IPCEF1: variants seen among roughly 807,000 people sequenced by gnomAD.
IPCEF1 encodes interactor protein for cytohesin exchange factors 1.
A neutral mutation model predicts 50.9 loss-of-function variants in IPCEF1; 31 were observed. The ratio of observed to expected loss-of-function variants is 0.61; its 90% CI spans 0.46 to 0.82. IPCEF1 has a LOEUF of 0.82. Among genes scored for constraint, IPCEF1 ranks in the 40% least tolerant of loss-of-function variants. The pLI, the probability that IPCEF1 is intolerant of heterozygous loss-of-function variation, is 0.00. For missense variants in IPCEF1, 458 were observed against 514.0 expected, an observed-to-expected ratio of 0.89 and a Z score of 1.05; for synonymous variants, 181 against 192.0, an observed-to-expected ratio of 0.94 and a Z score of 0.47.
chr6:154,190,311 C>G (rs1801756674), intron 10 of IPCEF1, among the ~76,000 whole-genome samples: 1 of 151,862 alleles, frequency 6.6e-6, no homozygotes, highest in South Asian at 2.1e-4. Context: ...CAACAGATAC[C>G]TCACCAAAGA....
intron 5 of IPCEF1, among the ~76,000 whole-genome samples, chr6:154,236,868 T>C (rs1216528046): frequency 1.3e-5 from 2 of 152,208 alleles, no homozygotes; most frequent in African/African-American, 4.8e-5. Context: ...AGATTCTACA[T>C]TGTGAGCCCA....
At chr6:154,325,850 A>C (rs1236374121) in intron 1 of IPCEF1, among the ~76,000 whole-genome samples, 1 of 152,218 alleles carries the variant, frequency 6.6e-6, no homozygotes, top group East Asian at 1.9e-4. Flanking sequence ...TTGCCATCAT[A>C]ATTTGAACAG....
At chr6:154,169,474 A>G (rs1313373057) in intron 10 of IPCEF1, among the ~76,000 whole-genome samples, 1 of 152,230 alleles carries the variant, frequency 6.6e-6, no homozygotes, top group Non-Finnish European at 1.5e-5. Flanking sequence ...GTCGACAAAT[A>G]TCTGCTTCTA....
intron 5 of IPCEF1, among the ~76,000 whole-genome samples, chr6:154,239,139 C>A (rs1245304519): frequency 6.6e-6 from 1 of 152,024 alleles, no homozygotes; most frequent in Non-Finnish European, 1.5e-5. Context: ...ACCAACATTT[C>A]CTGGCTCTCG....
intron 10 of IPCEF1, among the ~76,000 whole-genome samples, chr6:154,171,059 T>C (rs968820244): frequency 2.6e-5 from 4 of 152,092 alleles, no homozygotes; most frequent in African/African-American, 9.7e-5. Context: ...CTTTAGAAAA[T>C]AGTTTGTCCA....
At chr6:154,271,498 C>G (rs1193677979) in intron 2 of IPCEF1, among the ~76,000 whole-genome samples, 1 of 152,132 alleles carries the variant, frequency 6.6e-6, no homozygotes, top group Non-Finnish European at 1.5e-5. Flanking sequence ...CATACCAACT[C>G]TTTATGATAT....
At chr6:154,353,377 T>C (rs1181180700) in intron 1 of IPCEF1, among the ~76,000 whole-genome samples, 1 of 139,286 alleles carries the variant, frequency 7.2e-6, no homozygotes, top group Admixed American at 8.0e-5. Context: ...TCACTGCGCC[T>C]CCCGGATTCA....
At chr6:154,187,334 C>T (rs1201410805) in intron 10 of IPCEF1, among the ~76,000 whole-genome samples, 4 of 152,168 alleles carry the variant, frequency 2.6e-5, no homozygotes, top group Non-Finnish European at 4.4e-5. Context: ...ATCTATCATA[C>T]GTGCTGTTTC....
At chr6:154,346,338 T>TA (rs200393505) in intron 1 of IPCEF1, among the ~76,000 whole-genome samples, 1 of 152,224 alleles carries the variant, frequency 6.6e-6, no homozygotes, top group South Asian at 2.1e-4. Context: ...ATAATTATTT[T>TA]AAAAAATTTA....
At chr6:154,181,522 C>T (rs866600004) in intron 10 of IPCEF1, among the ~76,000 whole-genome samples, 1 of 152,122 alleles carries the variant, frequency 6.6e-6, no homozygotes, top group East Asian at 1.9e-4. Flanking sequence ...ATATTTGATG[C>T]GTTCTTTTGA....
intron 11 of IPCEF1, among the ~76,000 whole-genome samples, chr6:154,160,955 C>T (rs191396325): frequency 6.6e-6 from 1 of 152,258 alleles, no homozygotes; most frequent in Non-Finnish European, 1.5e-5. Context: ...GCCGAGTCCC[C>T]CTCATGGATC....
At position 154,281,105 on chromosome 6, in the gene IPCEF1, C is replaced by T. The variant is rs575593845; in HGVS notation, c.-18+8608G>A. The stretch of plus-strand genomic sequence containing the variant: ...CTGCAATCCCAGCACTTTGGGAGGC[C>T]GAGGTGGGTGGATTACTTGAGGTCA... On this transcript the variant is annotated intron_variant, in intron 2 of 11. Transcript: ENST00000367220. 4.2e-5 allele frequency among the ~76,000 whole-genome samples: 6 copies of T among 143,722 alleles called. 1 individual carries two copies. Among genetic ancestry groups the T allele is most frequent in the African/African-American group, 1.5e-4 (6 of 38,838 alleles). 94.3% of individuals were successfully genotyped at this position (143,722 alleles called of 152,430 possible).
At chr6:154,171,305 C>A (rs564292858) in intron 10 of IPCEF1, among the ~76,000 whole-genome samples, 1 of 152,158 alleles carries the variant, frequency 6.6e-6, no homozygotes, top group South Asian at 2.1e-4. Flanking sequence ...ACTCAGTTGT[C>A]CACAATACTT....
chr6:154,351,122 A>G (rs1784112561), intron 1 of IPCEF1, among the ~76,000 whole-genome samples: 1 of 152,258 alleles, frequency 6.6e-6, no homozygotes, highest in South Asian at 2.1e-4. Flanking sequence ...TACAGGCAGG[A>G]CACTCAAGTC....
intron 1 of IPCEF1, among the ~76,000 whole-genome samples, chr6:154,353,337 C>T (rs1784150029): frequency 6.7e-6 from 1 of 149,376 alleles, no homozygotes; most frequent in South Asian, 2.1e-4. Flanking sequence ...CCTCATTGCC[C>T]AGGCTGGAGT....
At chr6:154,262,795 T>C (rs970401546) in intron 3 of IPCEF1, among the ~76,000 whole-genome samples, 8 of 65,514 alleles carry the variant, frequency 1.2e-4, no homozygotes, top group Non-Finnish European at 1.8e-4. Context: ...TTTTTTTTTT[T>C]GAGACAGAGT....
chr6:154,201,518 GCAGA>G (rs760797478), intron 9 of IPCEF1, among the ~76,000 whole-genome samples: 18 of 152,138 alleles, frequency 1.2e-4, no homozygotes, highest in Non-Finnish European at 2.5e-4. Flanking sequence ...ATCTCCAACA[GCAGA>G]CAAGGTAGAG....
chr6:154,295,905 ACACACG>A (rs1438207773), intron 1 of IPCEF1, among the ~76,000 whole-genome samples: 3 of 24,586 alleles, frequency 1.2e-4, no homozygotes, highest in African/African-American at 2.4e-4. Flanking sequence ...ACACACACAC[ACACACG>A]CACACACACA....
intron 6 of IPCEF1, among the ~76,000 whole-genome samples, chr6:154,222,729 C>T (rs1019682060): frequency 3.3e-5 from 5 of 152,194 alleles, no homozygotes; most frequent in African/African-American, 9.6e-5. Context: ...AAGCTTAAGA[C>T]ATCTCAGAAA....
Sources: allele counts gnomAD v4.1 joint callset (sites outside exome capture counted in the v4.1 genomes callset), GRCh38; gene constraint gnomAD v4.1.1; transcripts MANE v1.5; gene names NCBI Gene and HGNC (gene_info 2026-07-23, HGNC 2026-07-21).